PMPCB: variants seen among roughly 807,000 people sequenced by gnomAD.
The protein encoded by PMPCB is mitochondrial-processing peptidase subunit beta.
PMPCB carries 46 observed loss-of-function variants against 61.5 expected under a neutral mutation model. That is an observed-to-expected ratio of 0.75 (90% CI 0.59 to 0.96). The LOEUF (loss-of-function observed/expected upper bound fraction) is 0.96. PMPCB is among the 40% of genes least tolerant of loss of function. The probability of loss-of-function intolerance (pLI) is 0.00; values close to 1 mark genes in which losing one functional copy is unlikely to be tolerated. For missense variants in PMPCB, 590 were observed against 602.4 expected, an observed-to-expected ratio of 0.98 and a Z score of 0.22; for synonymous variants, 191 against 201.6, an observed-to-expected ratio of 0.95 and a Z score of 0.44.
chr7:103,326,815 G>T, intron 12 of PMPCB: 3 of 875,628 alleles, frequency 3.4e-6, no homozygotes, highest in Non-Finnish European at 5.0e-6. Context: ...TTGCAGGTTG[G>T]GGAGGATTTA....
chr7:103,321,920 A>T, intron 12 of PMPCB: 2 of 1,603,884 alleles, frequency 1.2e-6, no homozygotes, highest in Non-Finnish European at 1.7e-6. Context: ...GTGTTTGTTC[A>T]GTCTGATATA....
chr7:103,343,488 C>G, the PMPCB span, among the ~76,000 whole-genome samples: 3 of 152,288 alleles, frequency 2.0e-5, no homozygotes, highest in East Asian at 5.8e-4. Flanking sequence ...CTAGGTCTGA[C>G]AGTGGCTATG....
chr7:103,341,629 A>G, the PMPCB span: 1 of 667,738 alleles, frequency 1.5e-6, no homozygotes, highest in Non-Finnish European at 2.4e-6. Context: ...CTCAAGACTT[A>G]GTAATAAACA....
In PMPCB at chr7:103,297,574, G is replaced by T. The variant is rs758086770; in HGVS notation, c.99+16G>T. Reference sequence around the variant, plus strand: ...TGCGGGACGGGTGAGCTTCCCTCCAGGCCGGTCCTGTCCTCGAGATCTCGC... The same window carrying T: ...TGCGGGACGGGTGAGCTTCCCTCCATGCCGGTCCTGTCCTCGAGATCTCGC... On this transcript the variant is annotated intron_variant, in intron 1 of 12. Transcript: ENST00000249269. 1.9e-6 allele frequency: 3 copies of T among 1,612,252 alleles called. No individual in the cohort carries two copies. Among genetic ancestry groups the T allele is most frequent in the East Asian group, 2.2e-5 (1 of 44,832 alleles).
chr7:103,335,497 A>G, the PMPCB span: 3 of 151,698 alleles, frequency 2.0e-5, no homozygotes, highest in African/African-American at 7.3e-5. Flanking sequence ...TTGGCTAGAG[A>G]ATACATATTC....
chr7:103,317,659 T>TCTTA (rs1350509439), downstream of PMPCB, among the ~76,000 whole-genome samples: 2 of 152,156 alleles, frequency 1.3e-5, no homozygotes, highest in Non-Finnish European at 2.9e-5. Context: ...TTTCTTTCTT[T>TCTTA]CTTACTTTTG....
At chr7:103,334,643 T>G in the PMPCB span, among the ~76,000 whole-genome samples, 1 of 150,968 alleles carries the variant, frequency 6.6e-6, no homozygotes, top group South Asian at 2.1e-4. Flanking sequence ...AGACAAGGTC[T>G]TGCTATGTTG....
chr7:103,343,092 C>A, the PMPCB span, among the ~76,000 whole-genome samples: 1 of 151,992 alleles, frequency 6.6e-6, no homozygotes, highest in South Asian at 2.1e-4. Flanking sequence ...CTCCGCCTCC[C>A]GGGTTCAAAC....
downstream of PMPCB, chr7:103,319,625 G>A (rs1818271412): frequency 1.2e-6 from 2 of 1,613,926 alleles, no homozygotes; most frequent in Non-Finnish European, 1.7e-6. Context: ...TTCCAAAGCA[G>A]CCTTTCCTAC....
intron 3 of PMPCB, among the ~76,000 whole-genome samples, chr7:103,299,903 G>A (rs541369271): frequency 6.6e-6 from 1 of 151,404 alleles, no homozygotes; most frequent in African/African-American, 2.4e-5. Context: ...GGAGTAGCTG[G>A]GAGTATCTAT....
chr7:103,305,614 C>T (rs979620697), intron 6 of PMPCB, among the ~76,000 whole-genome samples: 4 of 152,090 alleles, frequency 2.6e-5, no homozygotes, highest in African/African-American at 7.2e-5. Flanking sequence ...AGTGTTCTTT[C>T]GTGTTGTAAA....
intron 12 of PMPCB, chr7:103,323,796 C>G: frequency 4.3e-6 from 3 of 695,406 alleles, no homozygotes; most frequent in Non-Finnish European, 6.2e-6. Flanking sequence ...TCAAGTCTTT[C>G]TCCTTTTTTA....
chr7:103,339,243 T>G, the PMPCB span, among the ~76,000 whole-genome samples: 2 of 152,232 alleles, frequency 1.3e-5, no homozygotes, highest in African/African-American at 2.4e-5. Context: ...CCTTGACACC[T>G]AGAACAGTAT....
chr7:103,327,768 C>A, intron 12 of PMPCB: 2 of 1,577,354 alleles, frequency 1.3e-6, no homozygotes, highest in South Asian at 2.3e-5. Flanking sequence ...CAAAACCAGT[C>A]AGATTGAGAT....
chr7:103,305,466 C>CT (rs1272450082), intron 6 of PMPCB, among the ~76,000 whole-genome samples: 3 of 151,746 alleles, frequency 2.0e-5, no homozygotes, highest in Non-Finnish European at 4.4e-5. Context: ...ACTATGTTGC[C>CT]CAGGCTGGTT....
chr7:103,304,382 CTTTAAAAATTGTT>C lies in PMPCB; in HGVS notation c.657-26_657-14del, dbSNP rs768294897. 4.7e-5 allele frequency: 61 copies of C among 1,310,504 alleles called. 1 individual carries two copies. In the Middle Eastern group the frequency reaches 1.5e-3, roughly 33 times the overall value. The allele number at this position is 1,310,504 out of a possible 1,614,324, so 81.2% of individuals were successfully genotyped here. ...GAAGATCTGTTTTTTTTTTGGTTTCCTTTAAAAATTGTTTTACTTCATTTACAGATCTATAAGT... is the reference window on the plus strand; with the variant it reads ...GAAGATCTGTTTTTTTTTTGGTTTCCTTACTTCATTTACAGATCTATAAGT... On this transcript the variant is annotated splice_polypyrimidine_tract_variant and intron_variant, in intron 5 of 12. Transcript: ENST00000249269.
At chr7:103,319,604 A>G, downstream of PMPCB, 3 of 1,613,830 alleles carry the variant, frequency 1.9e-6, no homozygotes, top group African/African-American at 2.7e-5. Flanking sequence ...GTGTTCCTCT[A>G]TTACCTGTTT....
chr7:103,300,112 T>G, intron 3 of PMPCB, 66 bp from the exon 4 acceptor site: 1 of 1,441,898 alleles, frequency 6.9e-7, no homozygotes, highest in Non-Finnish European at 9.5e-7. Flanking sequence ...ATATTCATTA[T>G]CTGAAGTAGA....
chr7:103,303,898 G>C lies in PMPCB; in HGVS notation c.514G>C (p.Glu172Gln). ...CAGCACATTGGGAGAAGCAGAGATTGAACGTGAGCGTGGAGTAATCCTTAG... is the reference window on the plus strand; with the variant it reads ...CAGCACATTGGGAGAAGCAGAGATTCAACGTGAGCGTGGAGTAATCCTTAG... ...QNSTLGEAEI[E>Q]RERGVILREM... Residue 172 changes from glutamate to glutamine, a missense_variant, in exon 5 of 13, where the codon GAA becomes CAA. By Grantham distance (29) the Glu-to-Gln change is conservative. Coordinates refer to ENST00000249269, the MANE Select transcript of PMPCB (RefSeq NM_004279.3). The C allele has an allele frequency of 6.2e-7, 1 of 1,613,956 alleles. No individual in the cohort carries two copies. The highest frequency in any genetic ancestry group is 8.5e-7 in the Non-Finnish European group (1 of 1,179,850).
Sources: gnomAD v4.1 joint callset for allele counts (sites outside exome capture counted in the v4.1 genomes callset) on GRCh38, gnomAD v4.1.1 for gene constraint, MANE v1.5 for transcripts, NCBI Gene and HGNC (gene_info 2026-07-23, HGNC 2026-07-21) for gene names.